The following CCSER1 variants were observed in gnomAD, a reference collection of about 807,000 sequenced individuals.
CCSER1 encodes serine-rich coiled-coil domain-containing protein 1.
Under a neutral mutation model 82.0 loss-of-function variants are expected in CCSER1, and 41 were observed. The ratio of observed to expected loss-of-function variants is 0.50; its 90% CI spans 0.39 to 0.65. The LOEUF (loss-of-function observed/expected upper bound fraction) is 0.65. Among genes scored for constraint, CCSER1 ranks in the 30% least tolerant of loss-of-function variants. The pLI is 0.00. For synonymous variants in CCSER1, 414 were observed against 383.9 expected (o/e 1.08, Z -0.92); for missense variants, 1,119 against 1,064.2 (o/e 1.05, Z -0.72).
intron 6 of CCSER1, among the ~76,000 whole-genome samples, chr4:90,645,030 C>T (rs1375695845): frequency 1.3e-5 from 2 of 150,408 alleles, no homozygotes; most frequent in South Asian, 2.1e-4. Context: ...TGCAGTGAGC[C>T]GAGATCATGC....
chr4:90,741,445 G>GT (rs1746538765), intron 7 of CCSER1, among the ~76,000 whole-genome samples: 1 of 152,104 alleles, frequency 6.6e-6, no homozygotes, highest in Non-Finnish European at 1.5e-5. Context: ...AATAGCAGAG[G>GT]TAACAATCAC....
intron 10 of CCSER1, among the ~76,000 whole-genome samples, chr4:91,380,395 G>T (rs150650152): frequency 6.6e-6 from 1 of 152,024 alleles, no homozygotes; most frequent in African/African-American, 2.4e-5. Context: ...TCTCTTTGTA[G>T]GTCTCTAAGG....
chr4:91,143,238 G>A (rs114948464), intron 10 of CCSER1, among the ~76,000 whole-genome samples: 2,541 of 149,006 alleles, frequency 0.017, 35 homozygotes, highest in Middle Eastern at 0.024. Context: ...TTGTGTGTGC[G>A]GCTATTGTGA....
chr4:91,587,966 A>G (rs7685994), intron 10 of CCSER1, among the ~76,000 whole-genome samples: 57,349 of 149,660 alleles, frequency 0.38, 11,099 homozygotes, highest in East Asian at 0.59. Context: ...TTATATTTTC[A>G]GTGAGCAAGA....
chr4:90,236,930 T>G (rs1006610467), intron 1 of CCSER1, among the ~76,000 whole-genome samples: 6 of 152,148 alleles, frequency 3.9e-5, no homozygotes, highest in Non-Finnish European at 8.8e-5. Context: ...TTCTTAATTT[T>G]AAAGTTGGAA....
chr4:90,688,810 A>G (rs954475389), intron 6 of CCSER1, among the ~76,000 whole-genome samples: 3 of 152,194 alleles, frequency 2.0e-5, no homozygotes, highest in Non-Finnish European at 2.9e-5. Flanking sequence ...TTATAATATT[A>G]CCATTTGAAA....
intron 1 of CCSER1, among the ~76,000 whole-genome samples, chr4:90,267,762 T>G (rs1461179890): frequency 6.6e-6 from 1 of 152,210 alleles, no homozygotes; most frequent in East Asian, 1.9e-4. Flanking sequence ...ATGCAAGAAC[T>G]ACAACATAAC....
chr4:90,811,564 G>A (rs17017632), intron 7 of CCSER1, among the ~76,000 whole-genome samples: 50,785 of 151,984 alleles, frequency 0.33, 8,637 homozygotes, highest in East Asian at 0.42. Flanking sequence ...AATGTGGAAT[G>A]GAGAGGAGTA....
At chr4:90,563,224 GC>G in intron 5 of CCSER1, among the ~76,000 whole-genome samples, 1 of 152,088 alleles carries the variant, frequency 6.6e-6, no homozygotes, top group South Asian at 2.1e-4. Context: ...CAATTTTCCT[GC>G]CCCAGCCTCC....
intron 3 of CCSER1, among the ~76,000 whole-genome samples, chr4:90,388,140 A>G (rs1035771144): frequency 6.6e-6 from 1 of 152,180 alleles, no homozygotes; most frequent in Non-Finnish European, 1.5e-5. Flanking sequence ...ATGGAAAAGC[A>G]TGAAGGAGTT....
intron 10 of CCSER1, among the ~76,000 whole-genome samples, chr4:91,423,879 A>G (rs766210322): frequency 2.6e-5 from 4 of 152,100 alleles, no homozygotes; most frequent in Non-Finnish European, 5.9e-5. Context: ...GAGAAATGTC[A>G]TATATAAGAG....
intron 10 of CCSER1, among the ~76,000 whole-genome samples, chr4:91,500,063 G>A (rs751867308): frequency 1.5e-4 from 23 of 152,052 alleles, no homozygotes; most frequent in Non-Finnish European, 2.4e-4. Context: ...GTCTTCCAAA[G>A]TGGCAGTGCC....
chr4:90,718,136 G>A (rs1580126679), intron 6 of CCSER1, among the ~76,000 whole-genome samples: 1 of 152,132 alleles, frequency 6.6e-6, no homozygotes. Context: ...TAAACCATGT[G>A]TATATATTTT....
At chr4:90,212,113 A>G (rs1189200839) in intron 1 of CCSER1, among the ~76,000 whole-genome samples, 2 of 152,188 alleles carry the variant, frequency 1.3e-5, no homozygotes, top group Non-Finnish European at 2.9e-5. Flanking sequence ...TCTTGTCTAT[A>G]TCACTTTCAT....
chr4:90,903,371 C>T (rs571099105), intron 8 of CCSER1, among the ~76,000 whole-genome samples: 3 of 152,034 alleles, frequency 2.0e-5, no homozygotes, highest in African/African-American at 7.2e-5. Context: ...GTAAGGAGTG[C>T]CTTTCACCTC....
intron 10 of CCSER1, among the ~76,000 whole-genome samples, chr4:91,127,998 G>T (rs1041598698): frequency 2.6e-5 from 4 of 152,072 alleles, no homozygotes; most frequent in Middle Eastern, 6.8e-3. Context: ...TGTATTTCTG[G>T]CATGCTCAGG....
chr4:91,209,965 C>A lies in CCSER1; in HGVS notation c.2217+123971C>A, dbSNP rs567261061. On this transcript the variant is annotated intron_variant, in intron 10 of 10. Transcript: ENST00000509176. ...ATACCTACCACCCAGATCTTAGCTTCTAAATTCTATTCTCTACTAAAATAA... is the reference window on the plus strand; with the variant it reads ...ATACCTACCACCCAGATCTTAGCTTATAAATTCTATTCTCTACTAAAATAA... 3.3e-5 allele frequency among the ~76,000 whole-genome samples: 5 copies of A among 151,848 alleles called. No individual in the cohort carries two copies. The South Asian group carries it at 1.0e-3, about 31-fold the overall frequency.
chr4:90,798,337 T>G (rs1442982334), intron 7 of CCSER1, among the ~76,000 whole-genome samples: 3 of 152,140 alleles, frequency 2.0e-5, no homozygotes, highest in African/African-American at 7.3e-5. Flanking sequence ...GTTGGTTACA[T>G]TATTTTCTAT....
chr4:90,693,552 A>G (rs1406683288), intron 6 of CCSER1: 2 of 151,962 alleles, frequency 1.3e-5, no homozygotes, highest in Non-Finnish European at 2.9e-5. Flanking sequence ...ACAAATGATA[A>G]AAGGTGGAAT....
Sources: allele counts gnomAD v4.1 joint callset (sites outside exome capture counted in the v4.1 genomes callset), GRCh38; gene constraint gnomAD v4.1.1; transcripts MANE v1.5; gene names NCBI Gene and HGNC (gene_info 2026-07-23, HGNC 2026-07-21).